The following KIF27 variants were observed in gnomAD, a reference collection of about 807,000 sequenced individuals.
KIF27 encodes kinesin family member 27.
In KIF27, 84 loss-of-function variants were observed where a neutral mutation model predicts 141.8. The ratio of observed to expected loss-of-function variants is 0.59; its 90% CI spans 0.50 to 0.71. KIF27 has a LOEUF of 0.71. Among genes scored for constraint, KIF27 ranks in the 30% least tolerant of loss-of-function variants. The probability of loss-of-function intolerance (pLI) is 0.00; values close to 1 mark genes in which losing one functional copy is unlikely to be tolerated. For missense variants in KIF27, 1,306 were observed against 1,628.4 expected (o/e 0.80, Z 3.41); for synonymous variants, 471 against 569.5 (o/e 0.83, Z 2.46).
At position 83,859,376 on chromosome 9, in the gene KIF27, A is replaced by G. The variant is rs749517663; in HGVS notation, c.2935-5T>C. ...CAAACTATCTGTGTTTAAGGCCTAA[A>G]AGATACAACCCACCAGCCACCTCAA... On this transcript the variant is annotated splice_region_variant and splice_polypyrimidine_tract_variant and intron_variant, in intron 13 of 17. Transcript: ENST00000297814. 7 of 1,608,124 alleles carry G rather than the reference A, an allele frequency of 4.4e-6. No individual in the cohort carries two copies. The highest frequency in any genetic ancestry group is 6.0e-6 in the Non-Finnish European group (7 of 1,174,624).
At chr9:83,905,096 T>A (rs923059234) in intron 3 of KIF27, among the ~76,000 whole-genome samples, 4 of 152,066 alleles carry the variant, frequency 2.6e-5, no homozygotes, top group African/African-American at 9.7e-5. Flanking sequence ...CTACCCGCAT[T>A]ATTTGTTTAT....
rs146601136 is a variant in KIF27 at position 83,870,582 on chromosome 9, C to T, written c.2694G>A (p.Glu898=). ...TTTTCAAGTTACATGCATCAAGGTC[C>T]TCAGCTTTCGGTTTTAGACCTTCTT... is the stretch of plus-strand genomic sequence containing the variant. ...GQEEGLKPKA[E]DLDACNLKRR... The change falls in exon 12 of 18, where the codon GAG becomes GAA. Residue 898 remains glutamate (E), a synonymous_variant. Coordinates refer to ENST00000297814, the MANE Select transcript of KIF27 (RefSeq NM_017576.4). The T allele has an allele frequency of 3.7e-5, 60 of 1,613,768 alleles. No homozygotes were observed. Among genetic ancestry groups the T allele is most frequent in the Non-Finnish European group, 4.9e-5 (58 of 1,179,852 alleles).
intron 2 of KIF27, among the ~76,000 whole-genome samples, chr9:83,914,859 T>G (rs1290207057): frequency 2.6e-5 from 4 of 152,134 alleles, no homozygotes; most frequent in Non-Finnish European, 5.9e-5. Flanking sequence ...TATTCAGAAT[T>G]TAAAAAAGAA....
chr9:83,836,006 A>G lies in KIF27; in HGVS notation c.*995T>C, dbSNP rs1564249174. On this transcript the variant is annotated 3_prime_UTR_variant, in exon 18 of 18. Transcript: ENST00000297814. Reference sequence around the variant, plus strand: ...TTAATTCCAAACTAAATTGTACATTATATAGTAAAATTTTGACCAGAAAAA... The same window carrying G: ...TTAATTCCAAACTAAATTGTACATTGTATAGTAAAATTTTGACCAGAAAAA... Among the ~76,000 whole-genome samples, 1 of 152,178 alleles carries G rather than the reference A, an allele frequency of 6.6e-6. No homozygotes were observed. Among genetic ancestry groups the G allele is most frequent in the East Asian group, 1.9e-4 (1 of 5,202 alleles).
At chr9:83,888,745 C>T (rs1469193983) in intron 7 of KIF27, among the ~76,000 whole-genome samples, 153 bp from the exon 8 acceptor site, 4 of 106,954 alleles carry the variant, frequency 3.7e-5, no homozygotes, top group Non-Finnish European at 8.0e-5. Flanking sequence ...AAAAGGATGC[C>T]CCCCCCATCC....
At chr9:83,901,702 G>C (rs567345339) in intron 4 of KIF27, among the ~76,000 whole-genome samples, 51 of 152,152 alleles carry the variant, frequency 3.4e-4, no homozygotes, top group African/African-American at 1.2e-3. Flanking sequence ...GTGAAACCCC[G>C]TCTCTACTAA....
intron 16 of KIF27, chr9:83,849,688 C>T (rs1317973403): frequency 6.3e-6 from 1 of 159,704 alleles, no homozygotes; most frequent in Non-Finnish European, 1.4e-5. Flanking sequence ...AGAAATATAA[C>T]TAGGAATATG....
chr9:83,883,960 A>G lies in KIF27; in HGVS notation c.2298T>C (p.His766=). ...QYSLKVTKLE[H]DAEQAKVELI... ...GTTCGACTTTTGCCTGTTCTGCATC[A>G]TGCTCTAGCTTTGTTACTTTCAAAG... The change falls in exon 10 of 18, where the codon CAT becomes CAC. Residue 766 remains histidine (H), a synonymous_variant. Transcript: ENST00000297814. 6.2e-6 allele frequency: 10 copies of G among 1,613,690 alleles called. No individual in the cohort carries two copies. Among genetic ancestry groups the G allele is most frequent in the Non-Finnish European group, 8.5e-6 (10 of 1,179,750 alleles).
intron 3 of KIF27, among the ~76,000 whole-genome samples, chr9:83,905,883 A>G (rs1296242392): frequency 6.6e-6 from 1 of 152,238 alleles, no homozygotes; most frequent in East Asian, 1.9e-4. Context: ...GATTCTAAAG[A>G]AATATGTCAA....
intron 16 of KIF27, among the ~76,000 whole-genome samples, chr9:83,848,428 CT>C (rs1380449168): frequency 4.5e-4 from 59 of 131,632 alleles, no homozygotes; most frequent in African/African-American, 7.8e-4. Flanking sequence ...ATGTATATAT[CT>C]ATATATCATA....
At chr9:83,846,458 G>A (rs1447261402) in intron 16 of KIF27, among the ~76,000 whole-genome samples, 3 of 152,144 alleles carry the variant, frequency 2.0e-5, no homozygotes, top group East Asian at 3.8e-4. Context: ...GGTCATTCAT[G>A]GGATGAAGGT....
intron 13 of KIF27, among the ~76,000 whole-genome samples, chr9:83,864,997 C>A (rs1013640623): frequency 1.3e-5 from 2 of 152,268 alleles, no homozygotes; most frequent in East Asian, 3.9e-4. Flanking sequence ...AGGACTGCAA[C>A]CCCTGCCTTT....
intron 15 of KIF27, among the ~76,000 whole-genome samples, chr9:83,852,522 T>C (rs914020757): frequency 2.6e-5 from 4 of 151,722 alleles, no homozygotes; most frequent in African/African-American, 7.3e-5. Flanking sequence ...CATGCAGCAA[T>C]AGGATGCACT....
At chr9:83,844,340 T>TAGA (rs1428468548) in intron 16 of KIF27, among the ~76,000 whole-genome samples, 1 of 147,462 alleles carries the variant, frequency 6.8e-6, no homozygotes, top group Admixed American at 6.7e-5. Flanking sequence ...CTATATATAT[T>TAGA]TATATAGATA....
intron 11 of KIF27, 90 bp from the exon 12 acceptor site, chr9:83,870,722 T>G (rs1264757754): frequency 6.8e-7 from 1 of 1,475,578 alleles, no homozygotes; most frequent in African/African-American, 1.4e-5. Flanking sequence ...TTTTTTTTTT[T>G]TTTTTGGAGA....
At chr9:83,886,977 C>T in intron 9 of KIF27, 64 bp downstream of exon 9, 2 of 1,448,304 alleles carry the variant, frequency 1.4e-6, no homozygotes, top group Non-Finnish European at 1.8e-6. Flanking sequence ...TAACTGTTAC[C>T]ACATCAGAAG....
At chr9:83,919,072 T>TCAAA (rs950505975) in intron 1 of KIF27, among the ~76,000 whole-genome samples, 25 of 151,748 alleles carry the variant, frequency 1.6e-4, no homozygotes, top group Admixed American at 6.6e-4. Context: ...CAAGACTGTC[T>TCAAA]CAAACAAACA....
intron 5 of KIF27, among the ~76,000 whole-genome samples, chr9:83,894,940 G>C (rs538520776): frequency 3.9e-5 from 6 of 152,156 alleles, no homozygotes; most frequent in African/African-American, 1.4e-4. Context: ...AGGAATAAAA[G>C]ATTGGTTAAA....
chr9:83,908,602 T>G lies in KIF27; in HGVS notation c.349A>C (p.Ile117Leu). ...KGIIPRAIQE[I>L]FQSISEHPSI... ...GGATGTTCAGAGATGCTTTGAAATA[T>G]TTCTTGAATAGCTCGAGGAATGATA... Residue 117 changes from isoleucine (I) to leucine (L), a missense_variant, in exon 3 of 18, where the codon ATA becomes CTA. Transcript: ENST00000297814. 6.2e-7 allele frequency: 1 copy of G among 1,612,884 alleles called. No individual in the cohort carries two copies. Among genetic ancestry groups the G allele is most frequent in the Non-Finnish European group, 8.5e-7 (1 of 1,179,288 alleles).
Sources: gnomAD v4.1 joint callset for allele counts (sites outside exome capture counted in the v4.1 genomes callset) on GRCh38, gnomAD v4.1.1 for gene constraint, MANE v1.5 for transcripts, NCBI Gene and HGNC (gene_info 2026-07-23, HGNC 2026-07-21) for gene names.